The following PDE11A variants were observed in gnomAD, a reference collection of about 807,000 sequenced individuals.
PDE11A encodes the protein dual 3',5'-cyclic-AMP and -GMP phosphodiesterase 11A.
In PDE11A, 100 loss-of-function variants were observed where a neutral mutation model predicts 100.5. The ratio of observed to expected loss-of-function variants is 1.00; its 90% CI spans 0.85 to 1.18. The LOEUF is 1.18. Among genes scored for constraint, PDE11A ranks in the 50% most tolerant of loss-of-function variants. The pLI, the probability that PDE11A is intolerant of heterozygous loss-of-function variation, is 0.00. For synonymous variants in PDE11A, 381 were observed against 420.8 expected (o/e 0.91, Z 1.16); for missense variants, 1,141 against 1,152.6 (o/e 0.99, Z 0.15).
intron 19 of PDE11A, among the ~76,000 whole-genome samples, chr2:177,645,024 CAGTCT>C (rs1278955220): frequency 1.3e-5 from 2 of 152,126 alleles, no homozygotes; most frequent in Non-Finnish European, 2.9e-5. Context: ...GTAAATCAAC[CAGTCT>C]TGGGTATGTC....
At chr2:177,771,679 A>G (rs565631704) in intron 9 of PDE11A, among the ~76,000 whole-genome samples, 2 of 152,368 alleles carry the variant, frequency 1.3e-5, no homozygotes, top group South Asian at 4.1e-4. Flanking sequence ...TTAAAACTCA[A>G]CTAAAGCACA....
chr2:178,037,392 G>A (rs1275581827), intron 1 of PDE11A, among the ~76,000 whole-genome samples: 2 of 152,298 alleles, frequency 1.3e-5, no homozygotes, highest in South Asian at 2.1e-4. Flanking sequence ...AGAGGCGGTG[G>A]AGAAATAGAA....
intron 10 of PDE11A, among the ~76,000 whole-genome samples, chr2:177,763,357 T>C (rs1334739827): frequency 6.6e-6 from 1 of 152,224 alleles, no homozygotes. Context: ...ATTCCTTCTA[T>C]ATAGCTTCGA....
chr2:177,706,918 AGT>A (rs1174619255), intron 13 of PDE11A, among the ~76,000 whole-genome samples: 1 of 152,052 alleles, frequency 6.6e-6, no homozygotes, highest in African/African-American at 2.4e-5. Flanking sequence ...AAATTGAGGA[AGT>A]GTAAAACATA....
chr2:177,724,354 C>T (rs1046814610), intron 12 of PDE11A, among the ~76,000 whole-genome samples: 3 of 151,632 alleles, frequency 2.0e-5, no homozygotes, highest in East Asian at 1.9e-4. Context: ...GGAACAAAAC[C>T]GCTTTGTTAC....
intron 2 of PDE11A, among the ~76,000 whole-genome samples, chr2:177,969,587 C>T (rs993773840): frequency 6.6e-6 from 1 of 151,968 alleles, no homozygotes; most frequent in Non-Finnish European, 1.5e-5. Flanking sequence ...GATACTGAAA[C>T]CCATGATTCC....
chr2:177,641,709 A>AG (rs2080146031), intron 19 of PDE11A, among the ~76,000 whole-genome samples: 2 of 152,204 alleles, frequency 1.3e-5, no homozygotes, highest in South Asian at 4.1e-4. Flanking sequence ...CAAATAATCA[A>AG]CCTATAATGG....
intron 2 of PDE11A, among the ~76,000 whole-genome samples, chr2:178,008,319 C>G (rs932035336): frequency 6.6e-6 from 1 of 152,112 alleles, no homozygotes; most frequent in African/African-American, 2.4e-5. Context: ...TTTGCTCCCA[C>G]GAAATTGACT....
At chr2:178,075,551 C>CAAAAAA (rs397756518), upstream of PDE11A, among the ~76,000 whole-genome samples, 470 of 47,824 alleles carry the variant, frequency 9.8e-3, 20 homozygotes, top group African/African-American at 0.039. Flanking sequence ...GACTCTGTCT[C>CAAAAAA]AAAAAAAAAA....
chr2:177,686,371 A>G (rs1243846674), intron 15 of PDE11A, among the ~76,000 whole-genome samples: 1 of 152,212 alleles, frequency 6.6e-6, no homozygotes, highest in Non-Finnish European at 1.5e-5. Context: ...GTTGGAGACC[A>G]GCCTTAGCAA....
intron 1 of PDE11A, among the ~76,000 whole-genome samples, chr2:178,043,768 G>A (rs183539541): frequency 9.7e-4 from 147 of 152,144 alleles, no homozygotes; most frequent in Admixed American, 2.2e-3. Flanking sequence ...GATACTATTC[G>A]CCCCATTATA....
At chr2:177,860,637 A>G (rs988853512) in intron 5 of PDE11A, among the ~76,000 whole-genome samples, 2 of 151,684 alleles carry the variant, frequency 1.3e-5, no homozygotes, top group Non-Finnish European at 3.0e-5. Flanking sequence ...ACCAAAACCA[A>G]TTATATCACA....
intron 3 of PDE11A, among the ~76,000 whole-genome samples, chr2:177,903,613 C>T (rs759788254): frequency 2.6e-5 from 4 of 152,106 alleles, no homozygotes; most frequent in South Asian, 2.1e-4. Context: ...GTTGGAGAGG[C>T]GGGCCCTCCT....
chr2:177,629,948 T>C (rs115720778), intron 19 of PDE11A, among the ~76,000 whole-genome samples: 3,967 of 152,302 alleles, frequency 0.026, 149 homozygotes, highest in African/African-American at 0.089. Context: ...CAATTGACTA[T>C]GCACTTAAAT....
At chr2:177,749,567 A>G (rs1170054031) in intron 10 of PDE11A, among the ~76,000 whole-genome samples, 1 of 152,034 alleles carries the variant, frequency 6.6e-6, no homozygotes, top group Non-Finnish European at 1.5e-5. Context: ...TTCTATGGCT[A>G]CTGTCGGTGG....
chr2:177,868,295 T>C (rs1469925571), intron 5 of PDE11A, among the ~76,000 whole-genome samples: 1 of 152,086 alleles, frequency 6.6e-6, no homozygotes, highest in Non-Finnish European at 1.5e-5. Context: ...AAAGTTGAGG[T>C]ATATGTACTC....
chr2:177,810,216 A>C (rs1027542471), intron 9 of PDE11A, among the ~76,000 whole-genome samples: 3 of 152,194 alleles, frequency 2.0e-5, no homozygotes, highest in African/African-American at 7.2e-5. Context: ...AAGCTTTTCC[A>C]TTCCAGAATG....
chr2:177,941,885 AT>A (rs1329315498), intron 2 of PDE11A, among the ~76,000 whole-genome samples: 4 of 152,208 alleles, frequency 2.6e-5, no homozygotes, highest in Non-Finnish European at 2.9e-5. Context: ...ATTTTGGCAT[AT>A]GATTTACAGG....
intron 12 of PDE11A, among the ~76,000 whole-genome samples, chr2:177,726,020 G>T (rs2081594725): frequency 6.6e-6 from 1 of 152,106 alleles, no homozygotes; most frequent in African/African-American, 2.4e-5. Flanking sequence ...CCAGACATAT[G>T]AAATCTGTAC....
Sources: gnomAD v4.1 joint callset for allele counts (sites outside exome capture counted in the v4.1 genomes callset) on GRCh38, gnomAD v4.1.1 for gene constraint, MANE v1.5 for transcripts, NCBI Gene and HGNC (gene_info 2026-07-23, HGNC 2026-07-21) for gene names.